The following ENOX1 variants were observed in gnomAD, a reference collection of about 807,000 sequenced individuals.
ENOX1 encodes the protein ecto-NOX disulfide-thiol exchanger 1.
ENOX1 carries 42 observed loss-of-function variants against 82.5 expected under a neutral mutation model. The observed-to-expected ratio is 0.51, with a 90% confidence interval of 0.40 to 0.66. ENOX1 has a LOEUF of 0.66. ENOX1 is among the 30% of genes least tolerant of loss of function. The probability of loss-of-function intolerance (pLI) is 0.00; values close to 1 mark genes in which losing one functional copy is unlikely to be tolerated. For missense variants in ENOX1, 608 were observed against 811.6 expected, an observed-to-expected ratio of 0.75 and a Z score of 3.05; for synonymous variants, 271 against 282.2, an observed-to-expected ratio of 0.96 and a Z score of 0.40.
chr13:43,466,254 T>C (rs1386544727), intron 3 of ENOX1, among the ~76,000 whole-genome samples: 1 of 152,002 alleles, frequency 6.6e-6, no homozygotes, highest in Non-Finnish European at 1.5e-5. Flanking sequence ...AAAAAAATCT[T>C]GAAAAAAGTA....
intron 1 of ENOX1, among the ~76,000 whole-genome samples, chr13:43,673,143 T>C (rs1436780006): frequency 6.6e-6 from 1 of 150,976 alleles, no homozygotes; most frequent in East Asian, 1.9e-4. Flanking sequence ...TTTAAAAACC[T>C]GCTTCCTTCC....
chr13:43,560,772 G>A (rs760684599), intron 2 of ENOX1, among the ~76,000 whole-genome samples: 29 of 152,110 alleles, frequency 1.9e-4, no homozygotes, highest in Non-Finnish European at 3.5e-4. Context: ...ATTGTATGGC[G>A]CCAGCCATCA....
At chr13:43,485,816 C>T (rs1231035801) in intron 2 of ENOX1, among the ~76,000 whole-genome samples, 3 of 152,252 alleles carry the variant, frequency 2.0e-5, no homozygotes. Context: ...TGGCCCACGC[C>T]TATAATCCCA....
intron 2 of ENOX1, among the ~76,000 whole-genome samples, chr13:43,588,629 CCT>C (rs1246410961): frequency 6.6e-6 from 1 of 152,196 alleles, no homozygotes; most frequent in Non-Finnish European, 1.5e-5. Flanking sequence ...AGACATATGG[CCT>C]CTGAGCCGTG....
intron 3 of ENOX1, among the ~76,000 whole-genome samples, chr13:43,427,443 A>G (rs927069346): frequency 6.6e-6 from 1 of 152,226 alleles, no homozygotes; most frequent in Non-Finnish European, 1.5e-5. Flanking sequence ...CCAGGACTCA[A>G]TGTACCCTAG....
chr13:43,300,271 C>A (rs1338577325), intron 11 of ENOX1, among the ~76,000 whole-genome samples: 1 of 152,038 alleles, frequency 6.6e-6, no homozygotes, highest in Non-Finnish European at 1.5e-5. Flanking sequence ...CTAGTAGAAA[C>A]TGACACATTT....
intron 1 of ENOX1, among the ~76,000 whole-genome samples, chr13:43,779,939 G>C (rs539137746): frequency 6.6e-6 from 1 of 152,094 alleles, no homozygotes. Flanking sequence ...GGCAGATCAC[G>C]AAGTCAGGAG....
chr13:43,753,849 G>T (rs991955069), intron 1 of ENOX1, among the ~76,000 whole-genome samples: 1 of 142,380 alleles, frequency 7.0e-6, no homozygotes, highest in Non-Finnish European at 1.6e-5. Context: ...AGAGTAATAC[G>T]TCACCTTTCT....
intron 1 of ENOX1, among the ~76,000 whole-genome samples, chr13:43,784,445 C>A (rs1952454149): frequency 6.6e-6 from 1 of 152,200 alleles, no homozygotes; most frequent in African/African-American, 2.4e-5. Flanking sequence ...GCAATCCTGT[C>A]TACTTATATA....
chr13:43,679,899 T>G (rs1232037235), intron 1 of ENOX1, among the ~76,000 whole-genome samples: 2 of 152,354 alleles, frequency 1.3e-5, no homozygotes, highest in South Asian at 2.1e-4. Flanking sequence ...CTGAATACCA[T>G]ATACAAGAGT....
chr13:43,285,397 A>G (rs2045635556), intron 12 of ENOX1, among the ~76,000 whole-genome samples: 1 of 152,186 alleles, frequency 6.6e-6, no homozygotes, highest in African/African-American at 2.4e-5. Context: ...ATTTCCTTTT[A>G]TATGGTTCTT....
chr13:43,394,030 T>C (rs528915679), intron 5 of ENOX1, among the ~76,000 whole-genome samples: 26 of 152,204 alleles, frequency 1.7e-4, no homozygotes, highest in Non-Finnish European at 2.9e-5. Flanking sequence ...CTTTCTACCA[T>C]GATTGTAAGC....
intron 3 of ENOX1, among the ~76,000 whole-genome samples, chr13:43,460,638 C>T (rs9567196): frequency 0.13 from 19,410 of 151,514 alleles, 1,840 homozygotes; most frequent in East Asian, 0.5. Flanking sequence ...ACTAAAAATA[C>T]AAAAAATTAG....
chr13:43,524,594 G>C (rs948604762), intron 2 of ENOX1, among the ~76,000 whole-genome samples: 1 of 151,956 alleles, frequency 6.6e-6, no homozygotes, highest in Non-Finnish European at 1.5e-5. Flanking sequence ...CAGCTCCCTA[G>C]CCTTCTTGCT....
intron 3 of ENOX1, among the ~76,000 whole-genome samples, chr13:43,451,512 T>G (rs922893781): frequency 6.6e-6 from 1 of 152,138 alleles, no homozygotes; most frequent in African/African-American, 2.4e-5. Flanking sequence ...AGAAGAGAAA[T>G]CAGAATGGTA....
At chr13:43,362,955 CAAAT>C (rs1226362369) in intron 5 of ENOX1, among the ~76,000 whole-genome samples, 4 of 152,188 alleles carry the variant, frequency 2.6e-5, no homozygotes, top group African/African-American at 7.2e-5. Flanking sequence ...ATATAAATGA[CAAAT>C]AAGCATTTTC....
At chr13:43,264,952 C>T (rs1351992630) in intron 14 of ENOX1, among the ~76,000 whole-genome samples, 2 of 152,182 alleles carry the variant, frequency 1.3e-5, no homozygotes, top group Non-Finnish European at 2.9e-5. Context: ...AGAAGGAGTA[C>T]ATTTCAAGGG....
chr13:43,353,570 C>T (rs901170060), intron 8 of ENOX1, among the ~76,000 whole-genome samples: 1 of 152,232 alleles, frequency 6.6e-6, no homozygotes, highest in African/African-American at 2.4e-5. Context: ...TCAGCTCCTC[C>T]TGTCTGGCTT....
intron 2 of ENOX1, among the ~76,000 whole-genome samples, chr13:43,601,192 G>T (rs570314610): frequency 3.3e-5 from 5 of 152,142 alleles, no homozygotes; most frequent in Middle Eastern, 3.4e-3. Context: ...ATTAAATAAG[G>T]CACCAGGGTT....
Sources: gnomAD v4.1 joint callset for allele counts (sites outside exome capture counted in the v4.1 genomes callset) on GRCh38, gnomAD v4.1.1 for gene constraint, MANE v1.5 for transcripts, NCBI Gene and HGNC (gene_info 2026-07-23, HGNC 2026-07-21) for gene names.